The following NFASC variants were observed in gnomAD, a reference collection of about 807,000 sequenced individuals.
The protein encoded by NFASC is neurofascin homolog.
A neutral mutation model predicts 147.5 loss-of-function variants in NFASC; 43 were observed. The ratio of observed to expected loss-of-function variants is 0.29; its 90% CI spans 0.23 to 0.38. The LOEUF (loss-of-function observed/expected upper bound fraction) is 0.38, where lower values mean the gene tolerates loss of function less well. Among genes scored for constraint, NFASC ranks in the 10% least tolerant of loss-of-function variants. The pLI, the probability that NFASC is intolerant of heterozygous loss-of-function variation, is 1.00. For missense variants in NFASC, 1,320 were observed against 1,689.0 expected (o/e 0.78, Z 3.83); for synonymous variants, 622 against 665.5 (o/e 0.93, Z 1.01).
chr1:204,993,891 G>A (rs923160654), intron 24 of NFASC: 2 of 440,108 alleles, frequency 4.5e-6, no homozygotes, highest in Admixed American at 4.8e-5. Context: ...TTAGACCTGA[G>A]CAGTGGAAGG....
At chr1:204,917,470 A>G (rs888604777) in intron 1 of NFASC, among the ~76,000 whole-genome samples, 2 of 152,160 alleles carry the variant, frequency 1.3e-5, no homozygotes, top group African/African-American at 2.4e-5. Flanking sequence ...TGTTTCACCT[A>G]TGCCCCTACC....
intron 27 of NFASC, chr1:205,009,147 G>A (rs1183858930): frequency 4.3e-5 from 12 of 278,632 alleles, no homozygotes; most frequent in Middle Eastern, 4.6e-4. Flanking sequence ...GTAGCTTGCC[G>A]GCTCCCATTT....
intron 2 of NFASC, among the ~76,000 whole-genome samples, chr1:204,933,298 G>T (rs2595958): frequency 6.6e-5 from 10 of 152,082 alleles, no homozygotes; most frequent in African/African-American, 2.4e-4. Context: ...GGGAGAATGC[G>T]GGGGAGATGG....
intron 3 of NFASC, chr1:204,946,251 T>G: frequency 2.1e-6 from 1 of 471,370 alleles, no homozygotes; most frequent in Non-Finnish European, 4.4e-6. Flanking sequence ...GAATCGCAGG[T>G]GTCATGCACC....
rs773068106 is a variant in NFASC, at chr1:204,979,330, C to T, written c.1979-32C>T. The T allele has an allele frequency of 8.9e-6, 14 of 1,579,950 alleles. No homozygotes were observed. The highest frequency in any genetic ancestry group is 1.2e-5 in the Non-Finnish European group (14 of 1,149,370). ...AAGAAGACCACTGCTAACTGAGCTC[C>T]CGAAACAGCTCTGTTTTCCTTGCCC... is the stretch of plus-strand genomic sequence containing the variant. On this transcript the variant is annotated intron_variant, in intron 18 of 29. Transcript: ENST00000339876. The surrounding 1 kb of genome is among the most constrained non-coding windows in gnomAD (Gnocchi z 6.0).
chr1:204,939,210 C>T (rs1332637344), intron 2 of NFASC, among the ~76,000 whole-genome samples: 1 of 151,982 alleles, frequency 6.6e-6, no homozygotes, highest in African/African-American at 2.4e-5. Flanking sequence ...CTTTTCTGCA[C>T]TCTCCCCCTG....
At chr1:204,930,119 C>T (rs2092220021) in intron 2 of NFASC, among the ~76,000 whole-genome samples, 1 of 152,180 alleles carries the variant, frequency 6.6e-6, no homozygotes, top group African/African-American at 2.4e-5. Flanking sequence ...AAGGAAGAGA[C>T]TGAGAATGGA....
At chr1:204,886,548 C>CA (rs1036328915) in intron 1 of NFASC, among the ~76,000 whole-genome samples, 5 of 152,186 alleles carry the variant, frequency 3.3e-5, no homozygotes, top group African/African-American at 7.2e-5. Context: ...GGCCCACACT[C>CA]AGAGTTCCTG....
At chr1:204,940,995 A>G (rs2093326548) in intron 2 of NFASC, among the ~76,000 whole-genome samples, 1 of 152,212 alleles carries the variant, frequency 6.6e-6, no homozygotes, top group Non-Finnish European at 1.5e-5. Context: ...TTTTATGTCT[A>G]ACTTTTTGAG....
At chr1:204,988,519 C>A in intron 22 of NFASC, 114 bp from the exon 23 acceptor site, 1 of 921,386 alleles carries the variant, frequency 1.1e-6, no homozygotes, top group Non-Finnish European at 1.7e-6. Context: ...AGGCAGGTGC[C>A]ATCATTTCCC....
At chr1:204,956,195 C>G (rs886712574) in intron 7 of NFASC, among the ~76,000 whole-genome samples, 2 of 152,210 alleles carry the variant, frequency 1.3e-5, no homozygotes, top group African/African-American at 4.8e-5. Context: ...CAAGAATTAT[C>G]CATAACAGGC....
chr1:204,852,912 G>A (rs997734560), intron 1 of NFASC, among the ~76,000 whole-genome samples: 2 of 152,202 alleles, frequency 1.3e-5, no homozygotes, highest in African/African-American at 4.8e-5. Context: ...TTGAAAGAGA[G>A]GCTGACGGTC....
At chr1:205,002,852 C>A in intron 27 of NFASC, 104 bp downstream of exon 27, 1 of 892,664 alleles carries the variant, frequency 1.1e-6, no homozygotes, top group East Asian at 3.0e-5. Context: ...ACTCATCCCC[C>A]ACCCCATTTC....
chr1:204,872,303 G>T (rs1001644166), intron 1 of NFASC, among the ~76,000 whole-genome samples: 1 of 152,226 alleles, frequency 6.6e-6, no homozygotes, highest in African/African-American at 2.4e-5. Context: ...TGATGAGGAG[G>T]CTCTACAGAG....
chr1:204,954,755 T>C lies in NFASC; in HGVS notation c.413-74T>C. The C allele has an allele frequency of 6.4e-7, 1 of 1,551,030 alleles. No homozygotes were observed. The highest frequency in any genetic ancestry group is 8.8e-7 in the Non-Finnish European group (1 of 1,131,834). On this transcript the variant is annotated intron_variant, in intron 6 of 29. Coordinates refer to ENST00000339876, the MANE Select transcript of NFASC (RefSeq NM_001005388.3). This position sits in a 1 kb window ranked among gnomAD's most constrained non-coding sequence, Gnocchi z 5.7. ...CTTCTGTTTCTCCTCCTTGCATGCC[T>C]GCCTCTGACCCTGCTCCTTGCCCCG...
In NFASC at chr1:204,997,301, GCCACCA is replaced by G. The variant is rs746004343; in HGVS notation, c.2923_2928del (p.Thr975_Thr976del). On this transcript the variant is annotated inframe_deletion, in exon 25 of 30. Transcript: ENST00000339876. ...CCCAACTGTCGCACCTACCACCATC[GCCACCA>G]CCACCACCGTCGCCACAACTACTAC... 1 of 1,599,476 alleles carries G rather than the reference GCCACCA, an allele frequency of 6.3e-7. No homozygotes were observed. The highest frequency in any genetic ancestry group is 8.5e-7 in the Non-Finnish European group (1 of 1,172,732).
At chr1:204,889,101 C>T (rs904511138) in intron 1 of NFASC, among the ~76,000 whole-genome samples, 19 of 152,180 alleles carry the variant, frequency 1.2e-4, no homozygotes, top group Non-Finnish European at 2.6e-4. Context: ...TTTGTTGATT[C>T]GAGGTTTCTG....
intron 27 of NFASC, among the ~76,000 whole-genome samples, chr1:205,004,388 T>C (rs966051659): frequency 2.0e-5 from 3 of 152,224 alleles, no homozygotes; most frequent in African/African-American, 7.2e-5. Flanking sequence ...TCATTTCTCT[T>C]TTCTTGCACT....
rs2095641053 is a variant in NFASC, at chr1:204,987,514, T to C, written c.2567T>C (p.Ile856Thr). Residue 856 changes from isoleucine (I) to threonine (T), a missense_variant, in exon 22 of 30, where the codon ATT (isoleucine) becomes ACT (threonine). Ile to Thr is a moderately conservative substitution (Grantham distance 89, BLOSUM62 -1). This residue lies in a region of NFASC where 981 missense variants were observed against 1,289.5 expected (regional missense o/e 0.76). Coordinates refer to ENST00000339876, the MANE Select transcript of NFASC (RefSeq NM_001005388.3). This position sits in a 1 kb window ranked among gnomAD's most constrained non-coding sequence, Gnocchi z 4.4. ...CCTGAGCATCCAAATGGGATCATGA[T>C]TGGATACACTCTCAAATATGTGGCC... ...DHPEHPNGIM[I>T]GYTLKYVAFN... is the part of the protein sequence containing the mutation. 7 of 1,613,972 alleles carry C rather than the reference T, an allele frequency of 4.3e-6. No homozygotes were observed. In the East Asian group the frequency reaches 8.9e-5, roughly 21 times the overall value.
Sources: allele counts gnomAD v4.1 joint callset (sites outside exome capture counted in the v4.1 genomes callset), GRCh38; gene constraint gnomAD v4.1.1; regional missense constraint gnomAD v4.1.1; non-coding constraint Gnocchi (gnomAD v3.1); transcripts MANE v1.5; gene names NCBI Gene and HGNC (gene_info 2026-07-23, HGNC 2026-07-21).